The following NMU variants were observed in gnomAD, a reference collection of about 807,000 sequenced individuals.
NMU encodes the protein neuromedin U, also known as neuromedin-U.
In NMU, 29 loss-of-function variants were observed where a neutral mutation model predicts 35.4. The ratio of observed to expected loss-of-function variants is 0.82; its 90% confidence interval spans 0.61 to 1.12. The LOEUF is 1.12. Ranked by LOEUF, NMU falls within the 50% of genes most tolerant of loss-of-function variation. The pLI, the probability that NMU is intolerant of heterozygous loss-of-function variation, is 0.00. For synonymous variants in NMU, 78 were observed against 81.3 expected, an observed-to-expected ratio of 0.96 and a Z score of 0.22; for missense variants, 199 against 206.2, an observed-to-expected ratio of 0.97 and a Z score of 0.21.
At chr4:55,628,531 C>T (rs1207567510) in intron 2 of NMU, among the ~76,000 whole-genome samples, 10 of 152,026 alleles carry the variant, frequency 6.6e-5, no homozygotes, top group African/African-American at 2.4e-4. Context: ...TGGAGTCTCA[C>T]TCTGTCACCC....
At chr4:55,618,515 T>C (rs545028989) in intron 2 of NMU, among the ~76,000 whole-genome samples, 2 of 152,274 alleles carry the variant, frequency 1.3e-5, no homozygotes, top group East Asian at 1.9e-4. Flanking sequence ...CTGTAATTTT[T>C]AAATCTTCAA....
chr4:55,626,360 C>T (rs899602761), intron 2 of NMU, among the ~76,000 whole-genome samples: 1 of 152,086 alleles, frequency 6.6e-6, no homozygotes, highest in Non-Finnish European at 1.5e-5. Context: ...GGTGTAGTTT[C>T]TTGTATATTC....
chr4:55,632,809 C>T (rs1343145103), intron 1 of NMU, among the ~76,000 whole-genome samples: 1 of 152,134 alleles, frequency 6.6e-6, no homozygotes, highest in Non-Finnish European at 1.5e-5. Flanking sequence ...GACACACCGC[C>T]TCATCAGAAC....
At chr4:55,633,284 C>T (rs992838619) in intron 1 of NMU, among the ~76,000 whole-genome samples, 8 of 150,442 alleles carry the variant, frequency 5.3e-5, no homozygotes, top group African/African-American at 1.2e-4. Flanking sequence ...CAGATGGCAC[C>T]ACTGCACTCC....
Position 55,607,316 on chromosome 4 carries a change from C to T in NMU, c.342G>A (p.Leu114=), listed in dbSNP as rs1417993547. Residue 114 remains leucine (L), a synonymous_variant, in exon 6 of 10, where the codon TTG becomes TTA. Coordinates refer to ENST00000264218, the MANE Select transcript of NMU (RefSeq NM_006681.4). ...AACTTACCACAACATTTGACTTGCCCAACTTCTGTGTCTTCGAATAATGAA... is the reference window on the plus strand; with the variant it reads ...AACTTACCACAACATTTGACTTGCCTAACTTCTGTGTCTTCGAATAATGAA... ...FLFHYSKTQK[L]GKSNVVSSVV... 6.2e-7 allele frequency: 1 copy of T among 1,608,188 alleles called. No homozygotes were observed. Among genetic ancestry groups the T allele is most frequent in the East Asian group, 2.2e-5 (1 of 44,662 alleles).
chr4:55,625,388 C>T (rs1426355757), intron 2 of NMU, among the ~76,000 whole-genome samples: 1 of 151,972 alleles, frequency 6.6e-6, no homozygotes, highest in East Asian at 1.9e-4. Flanking sequence ...CTGTACTATA[C>T]ATTAATATCT....
intron 5 of NMU, 21 bp from the exon 6 acceptor site, chr4:55,607,369 G>C: frequency 1.3e-6 from 2 of 1,542,316 alleles, no homozygotes; most frequent in Non-Finnish European, 1.8e-6. Flanking sequence ...AAAGCAGTAA[G>C]TTTTACTATA....
chr4:55,600,214 AG>A lies in NMU; in HGVS notation c.489+307del, dbSNP rs541387911. On this transcript the variant is annotated intron_variant, in intron 8 of 9. Coordinates refer to ENST00000264218, the MANE Select transcript of NMU (RefSeq NM_006681.4). ...TTTGTAAATAATTCCATAGAACATA[AG>A]GAATAGTGTATCTTTAAGACAGTTA... Among the ~76,000 whole-genome samples the A allele has an allele frequency of 1.1e-3, 162 of 151,792 alleles. 1 individual carries two copies. In the South Asian group the frequency reaches 0.014, roughly 13 times the overall value.
Position 55,610,975 on chromosome 4 carries a change from G to T in NMU, c.220-1796C>A, listed in dbSNP as rs193242905. Among the ~76,000 whole-genome samples the T allele has an allele frequency of 1.6e-4, 25 of 152,288 alleles. No homozygotes were observed. In the East Asian group the frequency reaches 4.8e-3, roughly 29 times the overall value. ...TTTTAATTTCAAAAGCTTATAGAATGAGGATATAAAGAAAGAAAATATTTC... is the reference window on the plus strand; with the variant it reads ...TTTTAATTTCAAAAGCTTATAGAATTAGGATATAAAGAAAGAAAATATTTC... On this transcript the variant is annotated intron_variant, in intron 3 of 9. Transcript: ENST00000264218.
At chr4:55,611,522 T>C (rs879330941) in intron 3 of NMU, among the ~76,000 whole-genome samples, 3 of 152,216 alleles carry the variant, frequency 2.0e-5, no homozygotes, top group South Asian at 2.1e-4. Context: ...TCCTAGGCCT[T>C]CACATTCACT....
chr4:55,630,418 A>G lies in NMU; in HGVS notation c.155T>C (p.Leu52Pro), dbSNP rs199728844. ...GTTCCTTACCTCATTCCACAACTGT[A>G]GCTGTTGTTCAGGCTGTAATCCTTG... ...LPQGLQPEQQLQLWNEIDDTC... is the reference protein window; with the variant it reads ...LPQGLQPEQQPQLWNEIDDTC... Residue 52 changes from leucine to proline, a missense_variant, in exon 2 of 10, where the codon CTA becomes CCA. Coordinates refer to ENST00000264218, the MANE Select transcript of NMU (RefSeq NM_006681.4). 8.7e-6 allele frequency: 14 copies of G among 1,611,652 alleles called. No individual in the cohort carries two copies. The highest frequency in any genetic ancestry group is 1.2e-5 in the Non-Finnish European group (14 of 1,178,106).
chr4:55,608,752 T>C (rs1369874756), intron 4 of NMU, among the ~76,000 whole-genome samples: 3 of 151,956 alleles, frequency 2.0e-5, no homozygotes, highest in East Asian at 1.9e-4. Context: ...CAAAGTACAA[T>C]GTCCTGACCT....
chr4:55,597,337 C>T lies in NMU; in HGVS notation c.*4+1805G>A, dbSNP rs1469447665. ...ATTGTGGGTATAGTTTCTTTTTTTTCTTCTTCTTCTTCTTTTTGAGACAGA... is the reference window on the plus strand; with the variant it reads ...ATTGTGGGTATAGTTTCTTTTTTTTTTTCTTCTTCTTCTTTTTGAGACAGA... On this transcript the variant is annotated intron_variant, in intron 9 of 9. Transcript: ENST00000264218. Among the ~76,000 whole-genome samples, 6 of 149,804 alleles carry T rather than the reference C, an allele frequency of 4.0e-5. No homozygotes were observed. In the East Asian group the frequency reaches 5.8e-4, roughly 15 times the overall value.
rs562017077 is a variant in NMU at position 55,600,846 on chromosome 4, A to G, written c.436-271T>C. Among the ~76,000 whole-genome samples the G allele has an allele frequency of 1.1e-3, 175 of 152,250 alleles. 1 individual carries two copies. Among genetic ancestry groups the G allele is most frequent in the African/African-American group, 3.9e-3 (161 of 41,570 alleles). ...TTGTCAGTTTTAGGTGAATTCATCA[A>G]TAAGTAGAAAGAGAAATGACAGACA... On this transcript the variant is annotated intron_variant, in intron 7 of 9. Transcript: ENST00000264218.
At chr4:55,601,495 T>C (rs1461563280) in intron 7 of NMU, among the ~76,000 whole-genome samples, 2 of 152,080 alleles carry the variant, frequency 1.3e-5, no homozygotes, top group Non-Finnish European at 2.9e-5. Context: ...ATCTTTACTA[T>C]AACTCCCCAA....
At chr4:55,597,484 T>A (rs1383765506) in intron 9 of NMU, among the ~76,000 whole-genome samples, 1 of 152,078 alleles carries the variant, frequency 6.6e-6, no homozygotes, top group Non-Finnish European at 1.5e-5. Flanking sequence ...TTCTCCTGCC[T>A]CAGCCTCCCG....
At chr4:55,600,123 A>T (rs886099497) in intron 8 of NMU, among the ~76,000 whole-genome samples, 1 of 152,216 alleles carries the variant, frequency 6.6e-6, no homozygotes, top group African/African-American at 2.4e-5. Context: ...TTATTATGGC[A>T]GATTCTTTTA....
intron 2 of NMU, among the ~76,000 whole-genome samples, chr4:55,618,687 TTTC>T (rs1324124491): frequency 6.2e-5 from 8 of 128,196 alleles, no homozygotes; most frequent in Non-Finnish European, 1.2e-4. Context: ...TTCTTCTCTC[TTTC>T]TTCTCTCTCT....
chr4:55,625,941 C>A (rs1230853559), intron 2 of NMU, among the ~76,000 whole-genome samples: 2 of 152,032 alleles, frequency 1.3e-5, no homozygotes, highest in African/African-American at 4.8e-5. Context: ...CCATTTCCTT[C>A]CACTACAAGC....
Sources: gnomAD v4.1 joint callset for allele counts (sites outside exome capture counted in the v4.1 genomes callset) on GRCh38, gnomAD v4.1.1 for gene constraint, MANE v1.5 for transcripts, NCBI Gene and HGNC (gene_info 2026-07-23, HGNC 2026-07-21) for gene names.